Variants in AIM2 observed in about 807,000 individuals in gnomAD.
The protein encoded by AIM2 is absent in melanoma 2.
AIM2 carries 30 observed loss-of-function variants against 27.7 expected under a neutral mutation model. That is an observed-to-expected ratio of 1.08 (90% CI 0.81 to 1.47). AIM2 has a LOEUF of 1.47. Among genes scored for constraint, AIM2 ranks in the 40% most tolerant of loss-of-function variants. The pLI, the probability that AIM2 is intolerant of heterozygous loss-of-function variation, is 0.00. For synonymous variants in AIM2, 141 were observed against 145.3 expected, an observed-to-expected ratio of 0.97 and a Z score of 0.21; for missense variants, 358 against 411.3, an observed-to-expected ratio of 0.87 and a Z score of 1.12.
chr1:159,064,558 TG>T (rs199861296), intron 4 of AIM2, among the ~76,000 whole-genome samples: 5,262 of 152,308 alleles, frequency 0.035, 106 homozygotes, highest in Non-Finnish European at 0.046. Context: ...TCCAACGCCC[TG>T]GGTTCAAGCG....
chr1:159,137,220 T>C (rs1446512223), intron 1 of AIM2, among the ~76,000 whole-genome samples: 1 of 152,074 alleles, frequency 6.6e-6, no homozygotes, highest in Non-Finnish European at 1.5e-5. Flanking sequence ...GATGGAATAG[T>C]TTTTGTTGTT....
chr1:159,084,778 T>TACATACAC (rs1656865047), intron 1 of AIM2, among the ~76,000 whole-genome samples: 1 of 135,042 alleles, frequency 7.4e-6, no homozygotes, highest in Non-Finnish European at 1.6e-5. Context: ...CTGTCTGAAA[T>TACATACAC]ACACACACAC....
At chr1:159,126,190 G>A (rs1647679292) in intron 1 of AIM2, among the ~76,000 whole-genome samples, 1 of 152,184 alleles carries the variant, frequency 6.6e-6, no homozygotes, top group African/African-American at 2.4e-5. Context: ...GAGAATGGAA[G>A]TCAGGGAAGG....
chr1:159,080,686 C>T (rs1656756070), upstream of AIM2, among the ~76,000 whole-genome samples: 1 of 152,152 alleles, frequency 6.6e-6, no homozygotes, highest in African/African-American at 2.4e-5. Context: ...TTGGTCTTGA[C>T]ACAACACTTA....
chr1:159,134,753 G>A (rs929751894), intron 1 of AIM2, among the ~76,000 whole-genome samples: 2 of 152,122 alleles, frequency 1.3e-5, no homozygotes, highest in Non-Finnish European at 2.9e-5. Flanking sequence ...AATCACTTGA[G>A]CCCGAGAGGC....
At chr1:159,143,197 T>G (rs1648144269), upstream of AIM2, among the ~76,000 whole-genome samples, 1 of 152,168 alleles carries the variant, frequency 6.6e-6, no homozygotes, top group South Asian at 2.1e-4. Flanking sequence ...CATATAGCCC[T>G]AGGAATGAGA....
chr1:159,070,214 AT>A (rs1656294054), intron 2 of AIM2, among the ~76,000 whole-genome samples: 1 of 152,270 alleles, frequency 6.6e-6, no homozygotes, highest in Admixed American at 6.5e-5. Context: ...TGTAAGAAAA[AT>A]ATCTACTTTC....
intron 1 of AIM2, among the ~76,000 whole-genome samples, chr1:159,101,350 C>T (rs937684682): frequency 2.6e-5 from 4 of 152,150 alleles, no homozygotes; most frequent in African/African-American, 9.7e-5. Context: ...ATTCCTGAGG[C>T]CTCCCCAGCC....
chr1:159,137,698 G>C (rs1330971842), intron 1 of AIM2, among the ~76,000 whole-genome samples: 1 of 152,068 alleles, frequency 6.6e-6, no homozygotes, highest in Non-Finnish European at 1.5e-5. Flanking sequence ...TGGTATCTGA[G>C]CTTAGAGTCT....
intron 1 of AIM2, chr1:159,146,952 C>A (rs996075978): frequency 6.6e-6 from 1 of 152,144 alleles, no homozygotes; most frequent in Non-Finnish European, 1.5e-5. Flanking sequence ...CTTGTAGTAC[C>A]CATCCTTCTA....
intron 1 of AIM2, among the ~76,000 whole-genome samples, chr1:159,089,945 G>A (rs1353592490): frequency 2.0e-5 from 3 of 152,312 alleles, no homozygotes; most frequent in Middle Eastern, 3.4e-3. Context: ...GCTGACACCT[G>A]AGTCTGTGTT....
chr1:159,058,638 G>T (rs1487011601), downstream of AIM2, among the ~76,000 whole-genome samples: 1 of 152,108 alleles, frequency 6.6e-6, no homozygotes, highest in Admixed American at 6.5e-5. Flanking sequence ...AGGATGAAAG[G>T]CTCAGAAAGG....
At chr1:159,129,092 T>C (rs1212643440) in intron 1 of AIM2, among the ~76,000 whole-genome samples, 1 of 152,200 alleles carries the variant, frequency 6.6e-6, no homozygotes, top group South Asian at 2.1e-4. Flanking sequence ...GAGATCATTG[T>C]AGATTTAGGG....
At chr1:159,117,789 C>A (rs565417072) in intron 1 of AIM2, among the ~76,000 whole-genome samples, 3 of 152,108 alleles carry the variant, frequency 2.0e-5, no homozygotes, top group East Asian at 3.9e-4. Flanking sequence ...ACACACACAC[C>A]TTTCCCCGTG....
intron 1 of AIM2, among the ~76,000 whole-genome samples, chr1:159,113,037 G>A (rs544478281): frequency 3.3e-5 from 5 of 151,714 alleles, no homozygotes; most frequent in South Asian, 4.2e-4. Context: ...CTCCGCTTCC[G>A]GGGTTCACGC....
chr1:159,087,267 T>G (rs1656936562), intron 1 of AIM2, among the ~76,000 whole-genome samples: 1 of 151,800 alleles, frequency 6.6e-6, no homozygotes, highest in Non-Finnish European at 1.5e-5. Flanking sequence ...TTGACAATAC[T>G]AGTGATAGGG....
At chr1:159,068,828 TA>T (rs202237247) in intron 2 of AIM2, 127 bp from the exon 3 acceptor site, 352 of 990,458 alleles carry the variant, frequency 3.6e-4, no homozygotes, top group African/African-American at 2.2e-3. Flanking sequence ...TAATTTTTCT[TA>T]AAAAAAAATC....
At chr1:159,109,884 C>T (rs1657528594) in intron 1 of AIM2, among the ~76,000 whole-genome samples, 2 of 151,988 alleles carry the variant, frequency 1.3e-5, no homozygotes. Context: ...AAAGAATGGC[C>T]ATAATCAAAA....
At chr1:159,116,382 A>G (rs998165215) in intron 1 of AIM2, among the ~76,000 whole-genome samples, 4 of 152,222 alleles carry the variant, frequency 2.6e-5, no homozygotes, top group African/African-American at 7.2e-5. Flanking sequence ...ACACATGCAC[A>G]CATATGTTTA....
Sources: allele counts gnomAD v4.1 joint callset (sites outside exome capture counted in the v4.1 genomes callset), GRCh38; gene constraint gnomAD v4.1.1; transcripts MANE v1.5; gene names NCBI Gene and HGNC (gene_info 2026-07-23, HGNC 2026-07-21).